SPATA1: variants seen among roughly 807,000 people sequenced by gnomAD.
The protein encoded by SPATA1 is spermatogenesis-associated protein 1.
In SPATA1, 57 loss-of-function variants were observed where a neutral mutation model predicts 59.6. The ratio of observed to expected loss-of-function variants is 0.96; its 90% CI spans 0.77 to 1.19. The LOEUF (loss-of-function observed/expected upper bound fraction) is 1.19. Among genes scored for constraint, SPATA1 ranks in the 50% most tolerant of loss-of-function variants. SPATA1 has a pLI of 0.00. For synonymous variants in SPATA1, 147 were observed against 163.9 expected, an observed-to-expected ratio of 0.90 and a Z score of 0.79; for missense variants, 448 against 480.7, an observed-to-expected ratio of 0.93 and a Z score of 0.64.
At chr1:84,565,809 T>A in intron 4 of SPATA1, 52 bp from the exon 14 acceptor site, 10 of 1,145,650 alleles carry the variant, frequency 8.7e-6, no homozygotes, top group Non-Finnish European at 1.2e-5. Flanking sequence ...ATTATTAATA[T>A]TATTAATAAA....
chr1:84,516,444 T>C, intron 2 of SPATA1, 49 bp downstream of exon 2: 1 of 1,181,988 alleles, frequency 8.5e-7, no homozygotes. Flanking sequence ...TGCTTATCAC[T>C]GTTTTTGAAA....
Position 84,522,512 on chromosome 1 carries a change from G to GT in SPATA1, c.261+9dup. The GT allele has an allele frequency of 8.8e-6, 13 of 1,471,106 alleles. No homozygotes were observed. Among genetic ancestry groups the GT allele is most frequent in the Non-Finnish European group, 1.1e-5 (12 of 1,096,424 alleles). The allele number at this position is 1,471,106 out of a possible 1,614,324, so 91.1% of individuals were successfully genotyped here. On this transcript the variant is annotated splice_donor_region_variant and intron_variant, in intron 4 of 12. Transcript: ENST00000490879. ...ATTGGAAATAATTTAGCTGTGGTAA[G>GT]TTTTCTTTTTTTTTCTTTCTGATTG...
At chr1:84,508,718 C>G (rs750760833) in intron 1 of SPATA1, among the ~76,000 whole-genome samples, 1 of 152,182 alleles carries the variant, frequency 6.6e-6, no homozygotes, top group Non-Finnish European at 1.5e-5. Context: ...AAAGCTGAAT[C>G]TCTTCAAAGG....
At chr1:84,540,132 T>C (rs961129971) in intron 8 of SPATA1, among the ~76,000 whole-genome samples, 1 of 152,190 alleles carries the variant, frequency 6.6e-6, no homozygotes, top group Non-Finnish European at 1.5e-5. Flanking sequence ...GTATCTCTTA[T>C]GTACAGCCTA....
chr1:84,509,740 G>A (rs1335661132), intron 1 of SPATA1, among the ~76,000 whole-genome samples: 1 of 152,010 alleles, frequency 6.6e-6, no homozygotes, highest in South Asian at 2.1e-4. Context: ...CACTCCAGCC[G>A]GGGTGACAGA....
intron 12 of SPATA1, chr1:84,550,748 T>A: frequency 4.6e-6 from 5 of 1,095,280 alleles, no homozygotes; most frequent in Non-Finnish European, 3.3e-6. Flanking sequence ...AAAGTAAAAT[T>A]TAGTAAAATT....
At chr1:84,548,669 A>G in intron 10 of SPATA1, 117 bp from the exon 11 acceptor site, 5 of 1,214,428 alleles carry the variant, frequency 4.1e-6, no homozygotes, top group Non-Finnish European at 5.3e-6. Flanking sequence ...GAAAGAGGAA[A>G]ATGGTTTAAA....
intron 1 of SPATA1, among the ~76,000 whole-genome samples, chr1:84,508,114 C>T (rs1308353297): frequency 2.0e-5 from 3 of 152,022 alleles, no homozygotes; most frequent in Non-Finnish European, 4.4e-5. Context: ...ACCGTCTCTA[C>T]TAAAAAATAC....
chr1:84,558,103 T>C (rs1558624100), downstream of SPATA1, among the ~76,000 whole-genome samples: 1 of 152,172 alleles, frequency 6.6e-6, no homozygotes. Context: ...GTGGTAACTA[T>C]AGTTAATAAC....
intron 8 of SPATA1, among the ~76,000 whole-genome samples, chr1:84,538,538 A>G (rs1382782235): frequency 6.6e-6 from 1 of 152,192 alleles, no homozygotes; most frequent in Non-Finnish European, 1.5e-5. Flanking sequence ...ATTCAGAGAA[A>G]TTTCAGGGAG....
chr1:84,562,776 T>C (rs924038681), intron 4 of SPATA1, among the ~76,000 whole-genome samples: 2 of 152,202 alleles, frequency 1.3e-5, no homozygotes, highest in Non-Finnish European at 2.9e-5. Flanking sequence ...TATAATTTAA[T>C]TATAAAATAA....
At chr1:84,516,749 G>A (rs899908806) in intron 2 of SPATA1, among the ~76,000 whole-genome samples, 2 of 152,096 alleles carry the variant, frequency 1.3e-5, no homozygotes, top group African/African-American at 4.8e-5. Flanking sequence ...TCATTGTGCT[G>A]CTTGGCAAAA....
chr1:84,565,508 T>G (rs1023066863), intron 4 of SPATA1, among the ~76,000 whole-genome samples: 5 of 152,194 alleles, frequency 3.3e-5, no homozygotes, highest in African/African-American at 9.6e-5. Flanking sequence ...TGTGATTTCA[T>G]GACAAGAATA....
chr1:84,559,437 A>G (rs927311978), downstream of SPATA1, among the ~76,000 whole-genome samples: 3 of 152,172 alleles, frequency 2.0e-5, no homozygotes, highest in Non-Finnish European at 2.9e-5. Flanking sequence ...CCTGGCCAAC[A>G]TGGTGAAACC....
At chr1:84,514,414 T>A (rs1021971705) in intron 1 of SPATA1, among the ~76,000 whole-genome samples, 14 of 152,210 alleles carry the variant, frequency 9.2e-5, no homozygotes, top group Admixed American at 9.2e-4. Flanking sequence ...CTGAAATGTT[T>A]CAGATTTCAG....
chr1:84,551,219 G>A, intron 12 of SPATA1: 2 of 985,234 alleles, frequency 2.0e-6, no homozygotes. Context: ...GCAGGAAAAT[G>A]AGAACGATAA....
rs534656435 is a variant in SPATA1 at position 84,511,783 on chromosome 1, G to T, written c.-137-4440G>T. 1.2e-4 allele frequency among the ~76,000 whole-genome samples: 17 copies of T among 147,590 alleles called. No individual in the cohort carries two copies. In the South Asian group the frequency reaches 3.7e-3, roughly 32 times the overall value. Reference sequence around the variant, plus strand: ...TGCAACCTCTGCCTCCTGGGTTCAAGCAAGTCTCCTGCCTCAGCCTCCCCA... The same window carrying T: ...TGCAACCTCTGCCTCCTGGGTTCAATCAAGTCTCCTGCCTCAGCCTCCCCA... On this transcript the variant is annotated intron_variant, in intron 1 of 12. Transcript: ENST00000490879.
intron 1 of SPATA1, among the ~76,000 whole-genome samples, chr1:84,513,125 G>C (rs376493318): frequency 6.6e-6 from 1 of 152,198 alleles, no homozygotes; most frequent in East Asian, 1.9e-4. Context: ...GTTTTGTTTT[G>C]TTTTGTTTTT....
intron 12 of SPATA1, 62 bp downstream of exon 12, chr1:84,550,592 T>C (rs1439857320): frequency 7.0e-7 from 1 of 1,423,660 alleles, no homozygotes; most frequent in Non-Finnish European, 9.2e-7. Context: ...AATATTTTGG[T>C]GTTTTAACTT....
Sources: allele counts gnomAD v4.1 joint callset (sites outside exome capture counted in the v4.1 genomes callset), GRCh38; gene constraint gnomAD v4.1.1; transcripts MANE v1.5; gene names NCBI Gene and HGNC (gene_info 2026-07-23, HGNC 2026-07-21).